The following C22orf42 variants were observed in gnomAD, a reference collection of about 807,000 sequenced individuals.
C22orf42 encodes uncharacterized protein C22orf42.
C22orf42 carries 24 observed loss-of-function variants against 31.4 expected under a neutral mutation model. The ratio of observed to expected loss-of-function variants is 0.77; its 90% CI spans 0.55 to 1.08. C22orf42 has a LOEUF of 1.08. Ranked by LOEUF, C22orf42 falls within the 50% of genes least tolerant of loss-of-function variation. The probability of loss-of-function intolerance (pLI) is 0.00; values close to 1 mark genes in which losing one functional copy is unlikely to be tolerated. For synonymous variants in C22orf42, 96 were observed against 112.7 expected (o/e 0.85, Z 0.94); for missense variants, 276 against 327.3 (o/e 0.84, Z 1.21).
intron 3 of C22orf42, 70 bp downstream of exon 3, chr22:32,152,492 C>T: frequency 7.6e-7 from 1 of 1,308,028 alleles, no homozygotes; most frequent in Non-Finnish European, 1.1e-6. Context: ...AAATGATACT[C>T]ACTTGATATT....
rs1298223952 is a variant in C22orf42 at position 32,152,578 on chromosome 22, T to C, written c.356A>G (p.Asn119Ser). ...ACATCTTACAATATCTGATGTCATA[T>C]TCTCCTCCACACCGCCGTGTGCAGA... ...QASAHGGVEE[N>S]MTSDIEIPEA... The change falls in exon 3 of 9, where the codon AAT (asparagine) becomes AGT (serine). Residue 119 changes from asparagine (N) to serine (S), a missense_variant. Transcript: ENST00000382097. 1 of 1,612,594 alleles carries C rather than the reference T, an allele frequency of 6.2e-7. No individual in the cohort carries two copies. The highest frequency in any genetic ancestry group is 1.1e-5 in the South Asian group (1 of 91,052).
chr22:32,150,451 T>A lies in C22orf42; in HGVS notation c.522A>T (p.Leu174=), dbSNP rs770081237. 4 of 1,613,920 alleles carry A rather than the reference T, an allele frequency of 2.5e-6. No homozygotes were observed. The change falls in exon 7 of 9, where the codon CTA becomes CTT. Residue 174 remains leucine, a synonymous_variant. Coordinates refer to ENST00000382097, the MANE Select transcript of C22orf42 (RefSeq NM_001010859.3). ...TCATGAAGTCTTCAAGACAGACAGA[T>A]AGGCTTTCACTGAGATCTTCGACCA... is the stretch of plus-strand genomic sequence containing the variant. ...HHLVEDLSES[L]SVCLEDFMTS...
chr22:32,150,656 A>G (rs773538941), intron 6 of C22orf42, 177 bp from the exon 7 acceptor site: 7 of 655,730 alleles, frequency 1.1e-5, no homozygotes, highest in Non-Finnish European at 1.9e-5. Flanking sequence ...AAGGGCAGAA[A>G]GAAATGAAAG....
intron 6 of C22orf42, chr22:32,150,680 T>C (rs1466527958): frequency 3.2e-6 from 2 of 634,736 alleles, no homozygotes; most frequent in Non-Finnish European, 2.8e-6. Context: ...CTTGGCTTTC[T>C]AGCTAGAGCA....
At chr22:32,153,857 CAAAAA>C (rs34792152) in intron 2 of C22orf42, among the ~76,000 whole-genome samples, 1 of 123,062 alleles carries the variant, frequency 8.1e-6, no homozygotes, top group East Asian at 2.8e-4. Flanking sequence ...CCCATCTCTA[CAAAAA>C]AAAAAAAAAA....
At chr22:32,157,569 C>G (rs1313485611) in intron 1 of C22orf42, among the ~76,000 whole-genome samples, 2 of 152,228 alleles carry the variant, frequency 1.3e-5, no homozygotes, top group Non-Finnish European at 2.9e-5. Flanking sequence ...CTCCGCCTCA[C>G]TTTTCAATTT....
chr22:32,158,869 G>C (rs1490580439), intron 1 of C22orf42, 115 bp downstream of exon 1: 1 of 1,190,076 alleles, frequency 8.4e-7, no homozygotes, highest in African/African-American at 1.5e-5. Context: ...GCCGGCTATG[G>C]GCAGGAGGGA....
At chr22:32,154,209 C>T (rs747269037) in intron 2 of C22orf42, 35 bp downstream of exon 2, 22 of 1,606,884 alleles carry the variant, frequency 1.4e-5, no homozygotes, top group Middle Eastern at 1.7e-4. Flanking sequence ...GAATTGTTTG[C>T]TTAAATGAAC....
At chr22:32,158,861 C>T (rs981693154) in intron 1 of C22orf42, 123 bp downstream of exon 1, 17 of 1,094,094 alleles carry the variant, frequency 1.6e-5, no homozygotes, top group African/African-American at 3.1e-5. Context: ...CTGGGAAAGC[C>T]GGCTATGGGC....
chr22:32,152,402 C>G (rs138313512), intron 3 of C22orf42, among the ~76,000 whole-genome samples, 160 bp downstream of exon 3: 7,075 of 152,266 alleles, frequency 0.046, 213 homozygotes, highest in Non-Finnish European at 0.071. Flanking sequence ...CATCGTCAAT[C>G]AGGCCTCAGT....
intron 2 of C22orf42, among the ~76,000 whole-genome samples, chr22:32,153,001 G>T (rs1235477919): frequency 6.6e-6 from 1 of 152,160 alleles, no homozygotes; most frequent in African/African-American, 2.4e-5. Context: ...TACATATCCT[G>T]CCACTACATT....
chr22:32,158,438 A>G (rs1370279944), intron 1 of C22orf42, among the ~76,000 whole-genome samples: 1 of 152,198 alleles, frequency 6.6e-6, no homozygotes, highest in Non-Finnish European at 1.5e-5. Flanking sequence ...AGTCATTTGA[A>G]GCATGTCCCC....
chr22:32,152,076 G>A lies in C22orf42; in HGVS notation c.391C>T (p.His131Tyr). The stretch of plus-strand genomic sequence containing the variant: ...AAAAAAAAATACGTACGGTGGTCGT[G>A]CTTGGCCTCAGGTATTTCCTGCAAT... Reference protein sequence around the residue: ...TSDIEIPEAKHDHRPTEDVQV... With the variant: ...TSDIEIPEAKYDHRPTEDVQV... Residue 131 changes from histidine to tyrosine, a missense_variant, in exon 4 of 9, where the codon CAC (histidine) becomes TAC (tyrosine). Transcript: ENST00000382097. The A allele has an allele frequency of 6.2e-7, 1 of 1,606,102 alleles. No individual in the cohort carries two copies. The highest frequency in any genetic ancestry group is 8.5e-7 in the Non-Finnish European group (1 of 1,177,844).
At chr22:32,149,666 T>G in intron 8 of C22orf42, 53 bp from the exon 9 acceptor site, 1 of 1,254,754 alleles carries the variant, frequency 8.0e-7, no homozygotes, top group Non-Finnish European at 1.0e-6. Context: ...TATATATATA[T>G]ATCTACATAT....
intron 2 of C22orf42, among the ~76,000 whole-genome samples, chr22:32,153,366 G>C (rs2149512499): frequency 6.6e-6 from 1 of 152,314 alleles, no homozygotes; most frequent in Non-Finnish European, 1.5e-5. Context: ...AGAAGTCACA[G>C]TGTACTAATA....
intron 5 of C22orf42, among the ~76,000 whole-genome samples, 187 bp from the exon 6 acceptor site, chr22:32,151,206 C>G (rs1414511944): frequency 6.6e-6 from 1 of 151,870 alleles, no homozygotes. Context: ...GAATATTTAG[C>G]AAGTCTATGT....
Position 32,149,417 on chromosome 22 carries a change from G to C in C22orf42, c.*123C>G. The C allele has an allele frequency of 8.3e-7, 1 of 1,202,354 alleles. No individual in the cohort carries two copies. Among genetic ancestry groups the C allele is most frequent in the Non-Finnish European group, 1.1e-6 (1 of 930,472 alleles). The allele number at this position is 1,202,354 out of a possible 1,614,324, so 74.5% of individuals were successfully genotyped here. On this transcript the variant is annotated 3_prime_UTR_variant, in exon 9 of 9. Transcript: ENST00000382097. ...CACAAACTGCAGGTCACTGTTCACAGGTGCTCAGTAGGAAGAGAGAGAGGC... is the reference window on the plus strand; with the variant it reads ...CACAAACTGCAGGTCACTGTTCACACGTGCTCAGTAGGAAGAGAGAGAGGC...
Position 32,159,050 on chromosome 22 carries a change from T to C in C22orf42, c.166A>G (p.Lys56Glu), listed in dbSNP as rs750456865. The change falls in exon 1 of 9, where the codon AAG (lysine) becomes GAG (glutamate). Residue 56 changes from lysine to glutamate, a missense_variant. By Grantham distance (56) the Lys-to-Glu change is moderately conservative. Coordinates refer to ENST00000382097, the MANE Select transcript of C22orf42 (RefSeq NM_001010859.3). ...AKPAKLDLKA[K>E]KAQLMQYLSL... ...AGGTACTGCATGAGTTGGGCCTTCT[T>C]AGCTTTCAAATCCAATTTGGCAGGC... The C allele has an allele frequency of 1.9e-6, 3 of 1,614,112 alleles. No homozygotes were observed. Among genetic ancestry groups the C allele is most frequent in the African/African-American group, 2.7e-5 (2 of 74,936 alleles).
At chr22:32,149,649 A>AT (rs746957023) in intron 8 of C22orf42, 36 bp from the exon 9 acceptor site, 233 of 1,324,796 alleles carry the variant, frequency 1.8e-4, no homozygotes, top group African/African-American at 9.3e-4. Context: ...CTCAAAAAAA[A>AT]AATATATATA....
Sources: allele counts gnomAD v4.1 joint callset (sites outside exome capture counted in the v4.1 genomes callset), GRCh38; gene constraint gnomAD v4.1.1; transcripts MANE v1.5; gene names NCBI Gene and HGNC (gene_info 2026-07-23, HGNC 2026-07-21).